Variants in OCA2 observed in about 807,000 individuals in gnomAD.
OCA2 encodes the protein OCA2 melanosomal transmembrane protein.
OCA2 carries 77 observed loss-of-function variants against 100.2 expected under a neutral mutation model. The ratio of observed to expected loss-of-function variants is 0.77; its 90% CI spans 0.64 to 0.93. OCA2 has a LOEUF of 0.93. OCA2 is among the 40% of genes least tolerant of loss of function. The probability of loss-of-function intolerance (pLI) is 0.00; values close to 1 mark genes in which losing one functional copy is unlikely to be tolerated. For synonymous variants in OCA2, 432 were observed against 439.2 expected (o/e 0.98, Z 0.21); for missense variants, 1,062 against 1,089.1 (o/e 0.98, Z 0.35).
intron 2 of OCA2, among the ~76,000 whole-genome samples, chr15:28,069,907 G>A (rs1200902642): frequency 7.9e-6 from 1 of 125,966 alleles, no homozygotes; most frequent in Non-Finnish European, 1.5e-5. Context: ...TGCCCAGTCT[G>A]GAAAGTAAGG....
chr15:27,802,589 A>T (rs2033660609), intron 23 of OCA2, among the ~76,000 whole-genome samples: 1 of 152,206 alleles, frequency 6.6e-6, no homozygotes, highest in African/African-American at 2.4e-5. Flanking sequence ...AAACAGTGTA[A>T]ATATAGGCCA....
At chr15:27,744,408 C>G in the OCA2 span, among the ~76,000 whole-genome samples, 1 of 151,958 alleles carries the variant, frequency 6.6e-6, no homozygotes, top group African/African-American at 2.4e-5. Context: ...ACCGTGGGCA[C>G]GAGATGGAGG....
At chr15:27,896,180 G>A (rs962613667) in intron 19 of OCA2, 8 of 913,008 alleles carry the variant, frequency 8.8e-6, no homozygotes, top group African/African-American at 1.6e-5. Flanking sequence ...TTGGTGCCCT[G>A]AAGAGAGCTG....
At chr15:27,882,419 C>T (rs575083441) in intron 19 of OCA2, among the ~76,000 whole-genome samples, 12 of 152,234 alleles carry the variant, frequency 7.9e-5, no homozygotes, top group Admixed American at 7.2e-4. Context: ...TGGTAAATTC[C>T]TATTCTCCCC....
At chr15:27,828,126 C>T (rs559134503) in intron 23 of OCA2, among the ~76,000 whole-genome samples, 2 of 152,268 alleles carry the variant, frequency 1.3e-5, no homozygotes, top group South Asian at 2.1e-4. Context: ...CCTGCATTGG[C>T]GCCAGGGCCC....
chr15:27,844,609 C>T (rs1261867437), intron 23 of OCA2, among the ~76,000 whole-genome samples: 1 of 152,120 alleles, frequency 6.6e-6, no homozygotes, highest in Non-Finnish European at 1.5e-5. Context: ...AGCAATTCTC[C>T]TGCTTCAGCC....
intron 2 of OCA2, among the ~76,000 whole-genome samples, chr15:28,077,005 G>C (rs1411679919): frequency 6.6e-6 from 1 of 151,760 alleles, no homozygotes; most frequent in African/African-American, 2.4e-5. Flanking sequence ...AAAGCAAATG[G>C]GAAAGAGAGA....
At chr15:27,908,008 T>C (rs2038242537) in intron 19 of OCA2, among the ~76,000 whole-genome samples, 2 of 152,060 alleles carry the variant, frequency 1.3e-5, no homozygotes, top group South Asian at 4.1e-4. Context: ...TAACTCCCTT[T>C]ATGAAGCAAG....
chr15:27,858,749 A>G (rs138415873), intron 21 of OCA2, among the ~76,000 whole-genome samples: 19 of 152,280 alleles, frequency 1.2e-4, no homozygotes, highest in African/African-American at 4.3e-4. Flanking sequence ...TATTTCTACT[A>G]TAAAATTTGG....
At chr15:28,085,933 TGCA>T (rs556853182) in intron 1 of OCA2, among the ~76,000 whole-genome samples, 242 of 152,330 alleles carry the variant, frequency 1.6e-3, no homozygotes, top group African/African-American at 5.5e-3. Context: ...TCTGTTCTAC[TGCA>T]GCCTAATACT....
At chr15:27,901,008 T>C (rs1001700760) in intron 19 of OCA2, among the ~76,000 whole-genome samples, 2 of 152,220 alleles carry the variant, frequency 1.3e-5, no homozygotes, top group East Asian at 1.9e-4. Flanking sequence ...GCCGGGGCTA[T>C]AGCAGCTCTG....
At chr15:27,785,850 T>C (rs1161638197) in intron 23 of OCA2, among the ~76,000 whole-genome samples, 1 of 152,206 alleles carries the variant, frequency 6.6e-6, no homozygotes, top group Non-Finnish European at 1.5e-5. Context: ...CAAGTGTCCA[T>C]TGATGAATGA....
At chr15:28,042,620 G>A (rs1445388812) in intron 2 of OCA2, among the ~76,000 whole-genome samples, 1 of 151,814 alleles carries the variant, frequency 6.6e-6, no homozygotes, top group Non-Finnish European at 1.5e-5. Context: ...AGCCTAGGTG[G>A]CATAGTGTGA....
chr15:28,000,147 T>C (rs1034299564), intron 9 of OCA2, among the ~76,000 whole-genome samples: 4 of 152,142 alleles, frequency 2.6e-5, no homozygotes, highest in Non-Finnish European at 5.9e-5. Flanking sequence ...AGACCCTACA[T>C]AGCCAAGTCA....
chr15:27,927,041 G>A (rs1038830128), intron 18 of OCA2, among the ~76,000 whole-genome samples: 24 of 152,308 alleles, frequency 1.6e-4, no homozygotes, highest in Non-Finnish European at 2.9e-4. Context: ...TGTAATCCCA[G>A]CACTTTGGCA....
Position 27,916,140 on chromosome 15 carries a change from C to T in OCA2, c.2079+9987G>A, listed in dbSNP as rs1003067818. 1.6e-4 allele frequency among the ~76,000 whole-genome samples: 24 copies of T among 152,090 alleles called. 1 individual carries two copies. The highest frequency in any genetic ancestry group is 4.3e-4 in the African/African-American group (18 of 41,402). ...TTCATTATTATAAGTAGGAGCTAAA[C>T]ATTGAGTACACATGGACACAAAGAA... is the stretch of plus-strand genomic sequence containing the variant. On this transcript the variant is annotated intron_variant, in intron 19 of 23. Transcript: ENST00000354638.
chr15:28,046,477 T>G (rs1459827958), intron 2 of OCA2, among the ~76,000 whole-genome samples: 1 of 152,020 alleles, frequency 6.6e-6, no homozygotes, highest in Non-Finnish European at 1.5e-5. Context: ...GCCACAAGGG[T>G]CTTTCTGGGA....
intron 23 of OCA2, among the ~76,000 whole-genome samples, chr15:27,841,120 G>A (rs2035326272): frequency 3.3e-5 from 5 of 152,234 alleles, no homozygotes; most frequent in Admixed American, 3.3e-4. Flanking sequence ...ATACCATGGA[G>A]TGCAATGCAA....
intron 18 of OCA2, among the ~76,000 whole-genome samples, chr15:27,937,364 A>AT (rs2039493985): frequency 6.6e-6 from 1 of 152,174 alleles, no homozygotes; most frequent in Non-Finnish European, 1.5e-5. Flanking sequence ...TGCTATGAGC[A>AT]TTTTCAGAGA....
Sources: allele counts gnomAD v4.1 joint callset (sites outside exome capture counted in the v4.1 genomes callset), GRCh38; gene constraint gnomAD v4.1.1; transcripts MANE v1.5; gene names NCBI Gene and HGNC (gene_info 2026-07-23, HGNC 2026-07-21).